Variants in NOM1 observed in about 807,000 individuals in gnomAD.
NOM1 encodes nucleolar protein with MIF4G domain 1.
A neutral mutation model predicts 73.3 loss-of-function variants in NOM1; 58 were observed. The ratio of observed to expected loss-of-function variants is 0.79; its 90% CI spans 0.64 to 0.99. NOM1 has a LOEUF of 0.99. Among genes scored for constraint, NOM1 ranks in the 50% least tolerant of loss-of-function variants. The pLI is 0.00. For missense variants in NOM1, 1,226 were observed against 1,131.9 expected (o/e 1.08, Z -1.19); for synonymous variants, 487 against 446.8 (o/e 1.09, Z -1.14).
At chr7:156,951,814 T>A (rs1804599381) in intron 1 of NOM1, among the ~76,000 whole-genome samples, 1 of 151,934 alleles carries the variant, frequency 6.6e-6, no homozygotes, top group African/African-American at 2.4e-5. Flanking sequence ...TTCATGCCAT[T>A]CTCCTGCCTC....
chr7:156,965,187 C>T (rs1397512746), intron 7 of NOM1, among the ~76,000 whole-genome samples: 1 of 152,234 alleles, frequency 6.6e-6, no homozygotes, highest in Non-Finnish European at 1.5e-5. Context: ...TCCTGAGGTA[C>T]AGAGTGTCTG....
chr7:156,964,810 G>T (rs1804954960), intron 7 of NOM1, among the ~76,000 whole-genome samples: 1 of 152,116 alleles, frequency 6.6e-6, no homozygotes, highest in South Asian at 2.1e-4. Flanking sequence ...TTGCCGTTTT[G>T]CCGAAAACCT....
intron 4 of NOM1, among the ~76,000 whole-genome samples, chr7:156,960,865 G>A (rs1333137091): frequency 2.6e-5 from 4 of 152,154 alleles, no homozygotes; most frequent in Non-Finnish European, 5.9e-5. Context: ...AGTAGGTGGT[G>A]GCAAATGTTG....
At chr7:156,969,495 A>G (rs1563687933) in intron 10 of NOM1, 34 bp from the exon 11 acceptor site, 3 of 1,581,274 alleles carry the variant, frequency 1.9e-6, no homozygotes, top group African/African-American at 2.7e-5. Context: ...AGGCCAGCTC[A>G]GCCCTGACAT....
chr7:156,956,224 A>G (rs1483181516), intron 3 of NOM1, among the ~76,000 whole-genome samples: 1 of 151,576 alleles, frequency 6.6e-6, no homozygotes, highest in African/African-American at 2.4e-5. Context: ...GGATTTGCCA[A>G]AATGAAGTAG....
Position 156,971,685 on chromosome 7 carries a change from G to A in NOM1, c.*1982G>A, listed in dbSNP as rs780342407. Reference sequence around the variant, plus strand: ...CTATGGCAGTTTGTGTTTGGAAATCGTGATGTGAAGTCATCAGTATCTGTG... The same window carrying A: ...CTATGGCAGTTTGTGTTTGGAAATCATGATGTGAAGTCATCAGTATCTGTG... On this transcript the variant is annotated 3_prime_UTR_variant, in exon 11 of 11. Transcript: ENST00000275820. 6.6e-6 allele frequency: 1 copy of A among 152,218 alleles called. No individual in the cohort carries two copies. Among genetic ancestry groups the A allele is most frequent in the South Asian group, 2.1e-4 (1 of 4,836 alleles). 9.4% of individuals were successfully genotyped at this position (152,218 alleles called of 1,614,324 possible).
In NOM1 at chr7:156,950,318, G is replaced by A. The variant is rs758863542; in HGVS notation, c.581G>A (p.Gly194Asp). 6.2e-6 allele frequency: 10 copies of A among 1,614,050 alleles called. No individual in the cohort carries two copies. In the East Asian group the frequency reaches 8.9e-5, roughly 14 times the overall value. ...REIRKLERCL[G>D]LNKRKKKDGS... ...ATCCGAAAGCTGGAGCGTTGCCTCG[G>A]TTTGAACAAGCGCAAAAAGAAGGAC... The change falls in exon 1 of 11, where the codon GGT becomes GAT. Residue 194 changes from glycine (G) to aspartate (D), a missense_variant. Gly to Asp is a moderately conservative substitution (Grantham distance 94). Transcript: ENST00000275820.
At chr7:156,953,659 G>C (rs957002559) in intron 2 of NOM1, among the ~76,000 whole-genome samples, 1 of 152,158 alleles carries the variant, frequency 6.6e-6, no homozygotes, top group East Asian at 1.9e-4. Context: ...TATGTGTGTA[G>C]TGTCCCCACT....
chr7:156,951,518 A>G (rs1269973355), intron 1 of NOM1, among the ~76,000 whole-genome samples: 1 of 152,144 alleles, frequency 6.6e-6, no homozygotes, highest in Non-Finnish European at 1.5e-5. Flanking sequence ...AATTGCCTGC[A>G]TTTCCTTCTC....
chr7:156,949,963 C>G lies in NOM1; in HGVS notation c.226C>G (p.Pro76Ala). 1 of 1,540,946 alleles carries G rather than the reference C, an allele frequency of 6.5e-7. No individual in the cohort carries two copies. The highest frequency in any genetic ancestry group is 8.7e-7 in the Non-Finnish European group (1 of 1,146,564). The change falls in exon 1 of 11, where the codon CCG becomes GCG. Residue 76 changes from proline to alanine, a missense_variant. Physicochemically the swap from Pro to Ala is conservative, Grantham distance 27. Transcript: ENST00000275820. ...EGRGAPVSFR[P>A]GGRKSRKELR... ...GCGCGGCGCCCCGGTGAGCTTTCGC[C>G]CGGGAGGGAGAAAAAGCCGTAAGGA... is the stretch of plus-strand genomic sequence containing the variant.
At chr7:156,968,158 C>T (rs908104981) in intron 9 of NOM1, among the ~76,000 whole-genome samples, 5 of 152,200 alleles carry the variant, frequency 3.3e-5, no homozygotes, top group Non-Finnish European at 7.3e-5. Context: ...ATCCTGACAA[C>T]TGGAATAACT....
chr7:156,962,485 G>A (rs987087722), intron 5 of NOM1, among the ~76,000 whole-genome samples: 31 of 152,326 alleles, frequency 2.0e-4, no homozygotes, highest in African/African-American at 7.0e-4. Flanking sequence ...CATGTTGGGC[G>A]AGCGTCCTCT....
chr7:156,959,778 C>T (rs1804816966), intron 3 of NOM1, 73 bp from the exon 4 acceptor site: 2 of 1,399,674 alleles, frequency 1.4e-6, no homozygotes, highest in African/African-American at 1.4e-5. Context: ...TAGAAAGTGC[C>T]AGTTCTGTGT....
In NOM1 at chr7:156,969,124, G is replaced by A. The variant is rs2302445; in HGVS notation, c.2336G>A (p.Arg779His). ...EFSELDKPRV[R>H]FLRKVLSILL... ...AGTGAATTGGACAAACCCAGAGTCCGTTTTTTACGAAAAGTATTAAGTATC... is the reference window on the plus strand; with the variant it reads ...AGTGAATTGGACAAACCCAGAGTCCATTTTTTACGAAAAGTATTAAGTATC... Residue 779 changes from arginine (R) to histidine (H), a missense_variant, in exon 10 of 11, where the codon CGT (arginine) becomes CAT (histidine). Physicochemically the swap from Arg to His is conservative, Grantham distance 29. Transcript: ENST00000275820. The A allele has an allele frequency of 0.53, 843,235 of 1,581,990 alleles. 229,404 individuals carry two copies. The highest frequency in any genetic ancestry group is 0.63 in the Middle Eastern group (3,757 of 6,006).
chr7:156,950,761 C>T (rs932107048), intron 1 of NOM1, 37 bp downstream of exon 1: 28 of 1,509,932 alleles, frequency 1.9e-5, no homozygotes, highest in African/African-American at 2.8e-5. Context: ...TCTGGGATTT[C>T]CTTCAAAATA....
intron 3 of NOM1, among the ~76,000 whole-genome samples, chr7:156,955,638 G>A (rs1005421261): frequency 2.6e-5 from 4 of 152,088 alleles, no homozygotes; most frequent in Admixed American, 1.3e-4. Context: ...AAAGTGTCCC[G>A]GTGAGATCAG....
intron 2 of NOM1, 67 bp downstream of exon 2, chr7:156,952,665 T>C (rs1460897289): frequency 6.6e-7 from 1 of 1,523,200 alleles, no homozygotes; most frequent in African/African-American, 1.4e-5. Flanking sequence ...ATGTAGGAAT[T>C]ATCCCAGCAA....
chr7:156,950,367 C>G lies in NOM1; in HGVS notation c.630C>G (p.Ser210Arg). 1 of 1,614,214 alleles carries G rather than the reference C, an allele frequency of 6.2e-7. No individual in the cohort carries two copies. The highest frequency in any genetic ancestry group is 1.1e-5 in the South Asian group (1 of 91,080). ...KKDGSSSVPL[S>R]FARDGLDYIL... Reference sequence around the variant, plus strand: ...ACGGCAGCAGCTCCGTGCCGCTGAGCTTTGCACGCGACGGTCTTGACTATA... The same window carrying G: ...ACGGCAGCAGCTCCGTGCCGCTGAGGTTTGCACGCGACGGTCTTGACTATA... Residue 210 changes from serine (S) to arginine (R), a missense_variant, in exon 1 of 11, where the codon AGC becomes AGG. Physicochemically the swap from Ser to Arg is moderately radical, Grantham distance 110 (BLOSUM62 -1). Coordinates refer to ENST00000275820, the MANE Select transcript of NOM1 (RefSeq NM_138400.2).
Position 156,969,789 on chromosome 7 carries a change from ATGTT to A in NOM1, c.*89_*92del, listed in dbSNP as rs1212712316. On this transcript the variant is annotated 3_prime_UTR_variant, in exon 11 of 11. Transcript: ENST00000275820. ...GGCTTATTCTGTTGCCTGCGTGTGAATGTTTGGTAGAGCTATATCATTGTCTGTT... is the reference window on the plus strand; with the variant it reads ...GGCTTATTCTGTTGCCTGCGTGTGAATGGTAGAGCTATATCATTGTCTGTT... The A allele has an allele frequency of 2.6e-5, 34 of 1,304,672 alleles. No individual in the cohort carries two copies. Among genetic ancestry groups the A allele is most frequent in the Non-Finnish European group, 3.2e-5 (31 of 964,116 alleles). 80.8% of individuals were successfully genotyped at this position (1,304,672 alleles called of 1,614,324 possible). A position where few individuals can be genotyped will look rare whatever the true frequency, so the allele number is the denominator to read the frequency against.
Sources: gnomAD v4.1 joint callset for allele counts (sites outside exome capture counted in the v4.1 genomes callset) on GRCh38, gnomAD v4.1.1 for gene constraint, MANE v1.5 for transcripts, NCBI Gene and HGNC (gene_info 2026-07-23, HGNC 2026-07-21) for gene names.